Variants in GOLM1 observed in about 807,000 individuals in gnomAD.
GOLM1 encodes the protein epididymis luminal protein 46.
In GOLM1, 31 loss-of-function variants were observed where a neutral mutation model predicts 50.5. That is an observed-to-expected ratio of 0.61 (90% CI 0.46 to 0.83). The LOEUF (loss-of-function observed/expected upper bound fraction) is 0.83, where lower values mean the gene tolerates loss of function less well. GOLM1 is among the 40% of genes least tolerant of loss of function. GOLM1 has a pLI of 0.00. For missense variants in GOLM1, 491 were observed against 501.3 expected (o/e 0.98, Z 0.20); for synonymous variants, 178 against 192.8 (o/e 0.92, Z 0.64).
At chr9:86,045,365 A>G (rs1833503869) in intron 5 of GOLM1, among the ~76,000 whole-genome samples, 1 of 150,592 alleles carries the variant, frequency 6.6e-6, no homozygotes, top group African/African-American at 2.5e-5. Flanking sequence ...AATAAAATAA[A>G]ATAAAATGTT....
chr9:86,099,083 G>C (rs1835446048), intron 1 of GOLM1, among the ~76,000 whole-genome samples: 2 of 152,186 alleles, frequency 1.3e-5, no homozygotes, highest in South Asian at 4.1e-4. Flanking sequence ...GCGTGACAAA[G>C]CTCAGAACAA....
At chr9:86,097,642 GTCT>G (rs1263384398) in intron 1 of GOLM1, among the ~76,000 whole-genome samples, 1 of 152,112 alleles carries the variant, frequency 6.6e-6, no homozygotes, top group Non-Finnish European at 1.5e-5. Context: ...ACTGACACCT[GTCT>G]TCTTCTCAGC....
intron 3 of GOLM1, among the ~76,000 whole-genome samples, chr9:86,063,979 T>C (rs1834236209): frequency 1.3e-5 from 2 of 152,222 alleles, no homozygotes; most frequent in Admixed American, 6.5e-5. Context: ...AACTTGTCCA[T>C]GGCATGTTTA....
intron 5 of GOLM1, among the ~76,000 whole-genome samples, chr9:86,044,962 A>T (rs1414562211): frequency 6.6e-6 from 1 of 151,996 alleles, no homozygotes; most frequent in Non-Finnish European, 1.5e-5. Flanking sequence ...TCAAAAAAAA[A>T]AGAGGCTATA....
At chr9:86,094,475 T>G (rs1835291225) in intron 1 of GOLM1, among the ~76,000 whole-genome samples, 1 of 152,210 alleles carries the variant, frequency 6.6e-6, no homozygotes, top group Non-Finnish European at 1.5e-5. Flanking sequence ...TTTTCCCCAA[T>G]GCTAGAAGCT....
chr9:86,076,779 C>G (rs141913471), intron 3 of GOLM1, among the ~76,000 whole-genome samples: 1 of 151,132 alleles, frequency 6.6e-6, no homozygotes, highest in Non-Finnish European at 1.5e-5. Context: ...GCAGGAGAAT[C>G]GCTTGAACCC....
chr9:86,040,325 C>T (rs569461577), intron 6 of GOLM1, among the ~76,000 whole-genome samples: 1 of 152,294 alleles, frequency 6.6e-6, no homozygotes, highest in South Asian at 2.1e-4. Flanking sequence ...GCTTCGTGGG[C>T]TGTGCTCTGC....
intron 2 of GOLM1, 25 bp from the exon 3 acceptor site, chr9:86,077,616 G>A (rs1187097633): frequency 6.3e-7 from 1 of 1,581,974 alleles, no homozygotes. Flanking sequence ...TGGCATTAGG[G>A]CTGATGCCAA....
chr9:86,051,754 G>C (rs776444863), intron 4 of GOLM1, among the ~76,000 whole-genome samples: 1 of 151,396 alleles, frequency 6.6e-6, no homozygotes, highest in Non-Finnish European at 1.5e-5. Context: ...TCCCACCCCC[G>C]CAGCCAGGCA....
At chr9:86,032,346 T>C (rs1458772347) in intron 9 of GOLM1, among the ~76,000 whole-genome samples, 1 of 152,134 alleles carries the variant, frequency 6.6e-6, no homozygotes, top group Non-Finnish European at 1.5e-5. Flanking sequence ...TTTTTCTCTT[T>C]TTAGTAGAGA....
intron 3 of GOLM1, among the ~76,000 whole-genome samples, chr9:86,070,305 G>A (rs1834411581): frequency 6.6e-6 from 1 of 152,166 alleles, no homozygotes; most frequent in South Asian, 2.1e-4. Flanking sequence ...CCAGCACAGT[G>A]GGTCATGCCT....
chr9:86,067,155 C>A (rs537192301), intron 3 of GOLM1, among the ~76,000 whole-genome samples: 1 of 152,316 alleles, frequency 6.6e-6, no homozygotes, highest in African/African-American at 2.4e-5. Context: ...GAACTCCTGA[C>A]CTCAAGTGAT....
At chr9:86,070,424 T>C (rs551875829) in intron 3 of GOLM1, among the ~76,000 whole-genome samples, 27 of 151,752 alleles carry the variant, frequency 1.8e-4, no homozygotes, top group Non-Finnish European at 2.8e-4. Context: ...ACACAAAAAT[T>C]AGCCGGGTGT....
intron 5 of GOLM1, among the ~76,000 whole-genome samples, chr9:86,044,309 G>T (rs1018537282): frequency 1.3e-5 from 2 of 152,244 alleles, no homozygotes; most frequent in Non-Finnish European, 2.9e-5. Flanking sequence ...GGCTGCTCAT[G>T]TCCTCTACAG....
At chr9:86,085,018 C>T (rs1834910284) in intron 1 of GOLM1, 1 of 151,808 alleles carries the variant, frequency 6.6e-6, no homozygotes, top group South Asian at 2.1e-4. Flanking sequence ...GCACTCCAGC[C>T]TGGGGGCAAC....
intron 3 of GOLM1, among the ~76,000 whole-genome samples, 190 bp downstream of exon 3, chr9:86,077,222 T>C (rs1178597126): frequency 6.6e-6 from 1 of 152,084 alleles, no homozygotes; most frequent in Non-Finnish European, 1.5e-5. Context: ...TGCAAAAGGC[T>C]TCACCGCAAG....
chr9:86,038,826 A>C (rs191890971), intron 6 of GOLM1, among the ~76,000 whole-genome samples: 5 of 152,360 alleles, frequency 3.3e-5, no homozygotes. Context: ...AAACGTAAGA[A>C]CTAAGAACGA....
intron 5 of GOLM1, among the ~76,000 whole-genome samples, chr9:86,044,790 A>G (rs1245215355): frequency 2.0e-5 from 3 of 152,032 alleles, no homozygotes; most frequent in Admixed American, 2.0e-4. Context: ...CATCTCTACT[A>G]AAAATACAAA....
intron 1 of GOLM1, among the ~76,000 whole-genome samples, chr9:86,092,762 G>A (rs994724369): frequency 6.6e-6 from 1 of 152,208 alleles, no homozygotes; most frequent in Non-Finnish European, 1.5e-5. Flanking sequence ...ACACACTGGC[G>A]AGAAATGATC....
Sources: gnomAD v4.1 joint callset for allele counts (sites outside exome capture counted in the v4.1 genomes callset) on GRCh38, gnomAD v4.1.1 for gene constraint, MANE v1.5 for transcripts, NCBI Gene and HGNC (gene_info 2026-07-23, HGNC 2026-07-21) for gene names.